Variants in ERBB4 observed in about 807,000 individuals in gnomAD.
ERBB4 encodes the protein receptor tyrosine-protein kinase erbB-4.
Under a neutral mutation model 158.0 loss-of-function variants are expected in ERBB4, and 42 were observed. That is an observed-to-expected ratio of 0.27 (90% CI 0.21 to 0.34). The LOEUF (loss-of-function observed/expected upper bound fraction) is 0.34, where lower values mean the gene tolerates loss of function less well. Among genes scored for constraint, ERBB4 ranks in the 10% least tolerant of loss-of-function variants. ERBB4 has a pLI of 1.00. For synonymous variants in ERBB4, 583 were observed against 558.7 expected (o/e 1.04, Z -0.61); for missense variants, 1,333 against 1,624.1 (o/e 0.82, Z 3.08).
At chr2:211,654,565 G>A (rs1186724998) in intron 16 of ERBB4, among the ~76,000 whole-genome samples, 1 of 152,160 alleles carries the variant, frequency 6.6e-6, no homozygotes, top group Non-Finnish European at 1.5e-5. Flanking sequence ...CTAACTTCGT[G>A]AGGTTTTCAA....
At chr2:212,404,098 T>C (rs2091281113) in intron 1 of ERBB4, among the ~76,000 whole-genome samples, 1 of 151,938 alleles carries the variant, frequency 6.6e-6, no homozygotes, top group Non-Finnish European at 1.5e-5. Context: ...TTAGTTGAGA[T>C]GCAAAGTTTA....
chr2:211,713,667 AAGGT>A lies in ERBB4; in HGVS notation c.884-23_884-20del. The A allele has an allele frequency of 7.2e-7, 1 of 1,381,512 alleles. No individual in the cohort carries two copies. The highest frequency in any genetic ancestry group is 1.0e-6 in the Non-Finnish European group (1 of 972,122). The allele number at this position is 1,381,512 out of a possible 1,614,324, so 85.6% of individuals were successfully genotyped here. A position where few individuals can be genotyped will look rare whatever the true frequency, so the allele number is the denominator to read the frequency against. On this transcript the variant is annotated intron_variant, in intron 7 of 27. Transcript: ENST00000342788. ...AAGTTATCTGATTAAAAAAAAAAAA[AAGGT>A]AAAATAAGCATTAATGTTAACATTC...
chr2:211,790,240 G>C (rs2076251261), intron 3 of ERBB4, among the ~76,000 whole-genome samples: 1 of 151,770 alleles, frequency 6.6e-6, no homozygotes, highest in Non-Finnish European at 1.5e-5. Context: ...TTTTCCATTA[G>C]GTGACAAAGA....
At chr2:212,318,272 G>C (rs571471033) in intron 1 of ERBB4, among the ~76,000 whole-genome samples, 1 of 151,520 alleles carries the variant, frequency 6.6e-6, no homozygotes, top group Non-Finnish European at 1.5e-5. Flanking sequence ...CTTAGTTTGG[G>C]TTATATTGTT....
intron 2 of ERBB4, among the ~76,000 whole-genome samples, chr2:212,101,373 G>A (rs1000136161): frequency 4.0e-5 from 2 of 49,538 alleles, no homozygotes; most frequent in Admixed American, 1.3e-4. Flanking sequence ...ATATGTATAT[G>A]TATTTCAAAC....
intron 2 of ERBB4, among the ~76,000 whole-genome samples, chr2:212,066,194 T>C (rs2125435495): frequency 6.6e-6 from 1 of 152,106 alleles, no homozygotes; most frequent in Non-Finnish European, 1.5e-5. Context: ...GTCCTCTGGC[T>C]GGCTCTAACT....
At chr2:211,928,277 T>G (rs145439132) in intron 3 of ERBB4, among the ~76,000 whole-genome samples, 3 of 152,216 alleles carry the variant, frequency 2.0e-5, no homozygotes, top group Admixed American at 1.3e-4. Flanking sequence ...CCCCCGAGAA[T>G]AATCATTGTA....
chr2:211,822,362 ATATAT>A (rs1481702391), intron 3 of ERBB4, among the ~76,000 whole-genome samples: 2 of 152,048 alleles, frequency 1.3e-5, no homozygotes, highest in African/African-American at 4.8e-5. Flanking sequence ...TCTGATCACT[ATATAT>A]TATGTGTATC....
chr2:212,158,886 A>G (rs2081119782), intron 1 of ERBB4, among the ~76,000 whole-genome samples: 1 of 152,048 alleles, frequency 6.6e-6, no homozygotes, highest in African/African-American at 2.4e-5. Flanking sequence ...AAGGGTAGAT[A>G]CAATATTATA....
intron 7 of ERBB4, among the ~76,000 whole-genome samples, chr2:211,716,465 A>G (rs2073910012): frequency 6.6e-6 from 1 of 150,814 alleles, no homozygotes; most frequent in African/African-American, 2.4e-5. Context: ...TCACGAGGTC[A>G]GGAGATCGAG....
intron 19 of ERBB4, among the ~76,000 whole-genome samples, chr2:211,605,965 T>G (rs1378521484): frequency 6.6e-6 from 1 of 152,018 alleles, no homozygotes. Context: ...GGTCTCCTAA[T>G]TAGTACTTAT....
chr2:211,812,983 T>C (rs2105920993), intron 3 of ERBB4, among the ~76,000 whole-genome samples: 1 of 152,346 alleles, frequency 6.6e-6, no homozygotes, highest in Admixed American at 6.5e-5. Flanking sequence ...GAAAATCCCC[T>C]GACCCTTTGC....
intron 20 of ERBB4, among the ~76,000 whole-genome samples, chr2:211,534,885 C>A (rs115681902): frequency 7.0e-4 from 107 of 152,198 alleles, no homozygotes; most frequent in Non-Finnish European, 1.4e-3. Context: ...GGCAGGACAC[C>A]TAAAACTGTG....
intron 19 of ERBB4, among the ~76,000 whole-genome samples, chr2:211,570,542 A>AT (rs398105277): frequency 5.3e-5 from 8 of 150,244 alleles, no homozygotes; most frequent in Non-Finnish European, 1.0e-4. Flanking sequence ...GAAAAAAAAA[A>AT]GCTTTCTACC....
chr2:211,505,266 T>G (rs1315907107), intron 20 of ERBB4, among the ~76,000 whole-genome samples: 1 of 152,056 alleles, frequency 6.6e-6, no homozygotes, highest in Non-Finnish European at 1.5e-5. Context: ...AGCAGAAATC[T>G]TATAAGCCAG....
intron 3 of ERBB4, among the ~76,000 whole-genome samples, chr2:211,887,506 C>T (rs73073334): frequency 0.14 from 21,455 of 152,106 alleles, 1,870 homozygotes; most frequent in African/African-American, 0.24. Flanking sequence ...TACCTCAAGA[C>T]AAAAGTTGTG....
rs2087550004 is a variant in ERBB4 at position 212,321,096 on chromosome 2, T to A, written c.83-196193A>T. Among the ~76,000 whole-genome samples the A allele has an allele frequency of 2.0e-5, 3 of 150,324 alleles. No individual in the cohort carries two copies. The South Asian group carries it at 6.4e-4, about 32-fold the overall frequency. On this transcript the variant is annotated intron_variant, in intron 1 of 27. Transcript: ENST00000342788. Reference sequence around the variant, plus strand: ...TGGAAAAGGAAACCGATGGTAATCATCTACATTAAATAAAATTTGTGGGCT... The same window carrying A: ...TGGAAAAGGAAACCGATGGTAATCAACTACATTAAATAAAATTTGTGGGCT...
chr2:211,677,838 C>T (rs144709625), intron 13 of ERBB4, among the ~76,000 whole-genome samples: 2,975 of 151,944 alleles, frequency 0.02, 102 homozygotes, highest in African/African-American at 0.067. Flanking sequence ...CGCACCACTG[C>T]GCTCTAGCCA....
intron 20 of ERBB4, among the ~76,000 whole-genome samples, chr2:211,493,291 T>C (rs2065390665): frequency 1.3e-5 from 2 of 152,072 alleles, no homozygotes; most frequent in Admixed American, 6.5e-5. Flanking sequence ...CTTTTCTAGA[T>C]AGAAAACTAA....
Sources: gnomAD v4.1 joint callset for allele counts (sites outside exome capture counted in the v4.1 genomes callset) on GRCh38, gnomAD v4.1.1 for gene constraint, MANE v1.5 for transcripts, NCBI Gene and HGNC (gene_info 2026-07-23, HGNC 2026-07-21) for gene names.